Variants in PIGO observed in about 807,000 individuals in gnomAD.
PIGO encodes phosphatidylinositol glycan anchor biosynthesis class O.
PIGO carries 66 observed loss-of-function variants against 86.9 expected under a neutral mutation model. That is an observed-to-expected ratio of 0.76 (90% confidence interval 0.62 to 0.93). The LOEUF is 0.93. Ranked by LOEUF, PIGO falls within the 40% of genes least tolerant of loss-of-function variation. PIGO has a pLI of 0.00. For missense variants in PIGO, 1,202 were observed against 1,359.1 expected (o/e 0.88, Z 1.82); for synonymous variants, 570 against 556.4 (o/e 1.02, Z -0.34).
Position 35,090,178 on chromosome 9 carries a change from G to A in PIGO, c.2957C>T (p.Pro986Leu), listed in dbSNP as rs1255026795. 1 of 1,614,186 alleles carries A rather than the reference G, an allele frequency of 6.2e-7. No homozygotes were observed. The highest frequency in any genetic ancestry group is 1.7e-5 in the Admixed American group (1 of 60,026). The change falls in exon 9 of 11, where the codon CCC becomes CTC. Residue 986 changes from proline to leucine, a missense_variant. Transcript: ENST00000378617. ...CATCAGTGGCTCCTCTTCCTCCTCG[G>A]GTCTGACTCTGGCATCAGCTTCATT... ...PGNEADARVR[P>L]EEEEEPLMEM...
Position 35,088,968 on chromosome 9 carries a change from C to T in PIGO, c.*124G>A. The stretch of plus-strand genomic sequence containing the variant: ...AATGAAGTCCTAGATGTCAGCGGCC[C>T]CTGGCTGCATGATAGTAAGAGTATG... On this transcript the variant is annotated 3_prime_UTR_variant, in exon 11 of 11. Coordinates refer to ENST00000378617, the MANE Select transcript of PIGO (RefSeq NM_032634.4). The T allele has an allele frequency of 2.2e-6, 3 of 1,355,772 alleles. No individual in the cohort carries two copies. The East Asian group carries it at 7.0e-5, about 31-fold the overall frequency. 84.0% of individuals were successfully genotyped at this position (1,355,772 alleles called of 1,614,324 possible).
In PIGO at chr9:35,089,181, C is replaced by T; in HGVS notation, c.3181G>A (p.Gly1061Arg). Residue 1061 changes from glycine (G) to arginine (R), a missense_variant, in exon 11 of 11, where the codon GGA becomes AGA. Coordinates refer to ENST00000378617, the MANE Select transcript of PIGO (RefSeq NM_032634.4). ...EAVGFIVSSV[G>R]LLLGIALVMR... is the part of the protein sequence containing the mutation. ...ACCAAAGCTATGCCCAGGAGAAGTC[C>T]CACGCTGCTCACAATGAAGCCCACA... 6.2e-7 allele frequency: 1 copy of T among 1,614,174 alleles called. No individual in the cohort carries two copies. The highest frequency in any genetic ancestry group is 1.7e-5 in the Admixed American group (1 of 60,020).
rs1377245074 is a variant in PIGO at position 35,095,439 on chromosome 9, C to G, written c.127G>C (p.Glu43Gln). The G allele has an allele frequency of 3.7e-6, 6 of 1,613,918 alleles. No homozygotes were observed. The African/African-American group carries it at 8.0e-5, about 22-fold the overall frequency. Residue 43 changes from glutamate to glutamine, a missense_variant, in exon 2 of 11, where the codon GAG becomes CAG. By Grantham distance (29) the Glu-to-Gln change is conservative. Transcript: ENST00000378617. ...LELTNHSSCQEPPGPGSLPWG... is the reference protein window; with the variant it reads ...LELTNHSSCQQPPGPGSLPWG... ...GGCAGGGACCCAGGGCCTGGGGGCTCTTGGCAGCTGCTATGGTTGGTGAGC... is the reference window on the plus strand; with the variant it reads ...GGCAGGGACCCAGGGCCTGGGGGCTGTTGGCAGCTGCTATGGTTGGTGAGC...
rs1829672253 is a variant in PIGO, at chr9:35,096,340, C to G, written c.-187G>C. The G allele has an allele frequency of 6.6e-6, 1 of 152,240 alleles. No homozygotes were observed. The highest frequency in any genetic ancestry group is 1.5e-5 in the Non-Finnish European group (1 of 68,054). 9.4% of individuals were successfully genotyped at this position (152,240 alleles called of 1,614,324 possible). On this transcript the variant is annotated 5_prime_UTR_variant, in exon 1 of 11. Transcript: ENST00000378617. ...GAGACCTGAGGCACGACCTTCGCCA[C>G]GCAAGGAGGCTGGGGCCCGGGTCGA...
intron 9 of PIGO, 115 bp downstream of exon 9, chr9:35,089,951 C>T: frequency 1.4e-6 from 2 of 1,476,072 alleles, no homozygotes; most frequent in Non-Finnish European, 1.8e-6. Flanking sequence ...TGGGCAACCA[C>T]TTCACTTATG....
At position 35,091,883 on chromosome 9, in the gene PIGO, C is replaced by A. The variant is rs10814196; in HGVS notation, c.2004G>T (p.Leu668Phe). Reference protein sequence around the residue: ...ASMVGGRAKNLWYGACVAALV... With the variant: ...ASMVGGRAKNFWYGACVAALV... ...GCGCCGCCACACAAGCTCCATACCACAAATTCTTGGCTCGACCACCCACCA... is the reference window on the plus strand; with the variant it reads ...GCGCCGCCACACAAGCTCCATACCAAAAATTCTTGGCTCGACCACCCACCA... The change falls in exon 7 of 11, where the codon TTG (leucine) becomes TTT (phenylalanine). Residue 668 changes from leucine (L) to phenylalanine (F), a missense_variant. By Grantham distance (22) the Leu-to-Phe change is conservative (BLOSUM62 0). Transcript: ENST00000378617. 6.2e-7 allele frequency: 1 copy of A among 1,614,082 alleles called. No homozygotes were observed. Among genetic ancestry groups the A allele is most frequent in the Non-Finnish European group, 8.5e-7 (1 of 1,180,012 alleles).
At position 35,091,420 on chromosome 9, in the gene PIGO, C is replaced by T. The variant is rs1172952368; in HGVS notation, c.2467G>A (p.Val823Met). The T allele has an allele frequency of 6.2e-7, 1 of 1,614,234 alleles. No individual in the cohort carries two copies. The highest frequency in any genetic ancestry group is 8.5e-7 in the Non-Finnish European group (1 of 1,180,034). The change falls in exon 7 of 11, where the codon GTG (valine) becomes ATG (methionine). Residue 823 changes from valine (V) to methionine (M), a missense_variant. Val to Met is a conservative substitution (Grantham distance 21, BLOSUM62 1). Coordinates refer to ENST00000378617, the MANE Select transcript of PIGO (RefSeq NM_032634.4). ...ERTKSQGPLT[V>M]AAYQLGSVYS... ...ACACTCCCCAACTGATAAGCAGCCA[C>T]AGTCAGGGGACCCTGAGATTTGGTC...
intron 2 of PIGO, 125 bp from the exon 3 acceptor site, chr9:35,094,484 A>G: frequency 9.2e-7 from 1 of 1,086,904 alleles, no homozygotes; most frequent in Non-Finnish European, 1.3e-6. Context: ...CAGCAATTCC[A>G]TACAGCAATC....
At position 35,089,424 on chromosome 9, in the gene PIGO, G is replaced by A. The variant is rs754771965; in HGVS notation, c.3096C>T (p.Ser1032=). 10 of 1,614,120 alleles carry A rather than the reference G, an allele frequency of 6.2e-6. No individual in the cohort carries two copies. The African/African-American group carries it at 1.2e-4, about 19-fold the overall frequency. ...IQILACALAA[S]ILRRHLMVWK... is the part of the protein sequence containing the mutation. Reference sequence around the variant, plus strand: ...AGACCATGAGATGCCTGCGAAGGATGGAGGCTGCCAAGGCACAGGCCAGAA... The same window carrying A: ...AGACCATGAGATGCCTGCGAAGGATAGAGGCTGCCAAGGCACAGGCCAGAA... The change falls in exon 10 of 11, where the codon TCC becomes TCT. Residue 1032 remains serine, a synonymous_variant. Transcript: ENST00000378617.
chr9:35,090,620 T>G lies in PIGO; in HGVS notation c.2700A>C (p.Thr900=), dbSNP rs749138418. The change falls in exon 8 of 11, where the codon ACA becomes ACC. Residue 900 remains threonine (T), a synonymous_variant. Transcript: ENST00000378617. ...GGTGGCCTGTGGAGTAGAAGGTCTG[T>G]GTGGCCATGAGGGCCCAAGCCGAGA... ...QAVSAWALMA[T]QTFYSTGHQP... 6.2e-7 allele frequency: 1 copy of G among 1,614,018 alleles called. No homozygotes were observed. The highest frequency in any genetic ancestry group is 1.1e-5 in the South Asian group (1 of 91,078).
chr9:35,094,357 T>C lies in PIGO; in HGVS notation c.514A>G (p.Arg172Gly). ...NLIKQLTSAGRRVVFMGDDTW... is the reference protein window; with the variant it reads ...NLIKQLTSAGGRVVFMGDDTW... Reference sequence around the variant, plus strand: ...TCATCTCCCATGAAGACTACACGCCTTCCTGCAGGGACATGAAAGAGAAGT... The same window carrying C: ...TCATCTCCCATGAAGACTACACGCCCTCCTGCAGGGACATGAAAGAGAAGT... The change falls in exon 3 of 11, where the codon AGG (arginine) becomes GGG (glycine). Residue 172 changes from arginine (R) to glycine (G), a missense_variant and splice_region_variant. Transcript: ENST00000378617. The C allele has an allele frequency of 6.3e-7, 1 of 1,599,196 alleles. No homozygotes were observed. Among genetic ancestry groups the C allele is most frequent in the South Asian group, 1.1e-5 (1 of 88,638 alleles).
chr9:35,092,172 G>A lies in PIGO; in HGVS notation c.1715C>T (p.Ala572Val). The A allele has an allele frequency of 1.9e-6, 3 of 1,614,198 alleles. No homozygotes were observed. The highest frequency in any genetic ancestry group is 2.5e-6 in the Non-Finnish European group (3 of 1,180,036). The change falls in exon 7 of 11, where the codon GCC becomes GTC. Residue 572 changes from alanine (A) to valine (V), a missense_variant. Ala to Val is a moderately conservative substitution (Grantham distance 64, BLOSUM62 0). Transcript: ENST00000378617. ...GAATGAGCCCAAAAGGAAGGGGGTG[G>A]CCCTGGCCTCAGCTACAACAAAACT... ...SDSFVVAEARATPFLLGSFIL... is the reference protein window; with the variant it reads ...SDSFVVAEARVTPFLLGSFIL...
chr9:35,095,115 T>C lies in PIGO; in HGVS notation c.451A>G (p.Ser151Gly), dbSNP rs1229716525. The C allele has an allele frequency of 1.9e-6, 3 of 1,613,854 alleles. No individual in the cohort carries two copies. The Admixed American group carries it at 5.0e-5, about 27-fold the overall frequency. ...GSLPTFIDAG[S>G]NFASHAIVED... is the part of the protein sequence containing the mutation. ...ACTATGGCGTGGCTGGCGAAGTTACTACCAGCATCAATAAAGGTAGGCAGT... is the reference window on the plus strand; with the variant it reads ...ACTATGGCGTGGCTGGCGAAGTTACCACCAGCATCAATAAAGGTAGGCAGT... Residue 151 changes from serine (S) to glycine (G), a missense_variant, in exon 2 of 11, where the codon AGT becomes GGT. Physicochemically the swap from Ser to Gly is moderately conservative, Grantham distance 56. Transcript: ENST00000378617.
chr9:35,093,975 G>A lies in PIGO; in HGVS notation c.705C>T (p.Asp235=), dbSNP rs749044540. 6.2e-7 allele frequency: 1 copy of A among 1,614,132 alleles called. No individual in the cohort carries two copies. Among genetic ancestry groups the A allele is most frequent in the Middle Eastern group, 1.6e-4 (1 of 6,062 alleles). ...DVLIAHFLGV[D]HCGHKHGPHH... ...GAGGGCCATGCTTGTGGCCACAGTGGTCCACACCCAGGAAGTGAGCAATCA... is the reference window on the plus strand; with the variant it reads ...GAGGGCCATGCTTGTGGCCACAGTGATCCACACCCAGGAAGTGAGCAATCA... The change falls in exon 4 of 11, where the codon GAC becomes GAT. Residue 235 remains aspartate, a synonymous_variant. Coordinates refer to ENST00000378617, the MANE Select transcript of PIGO (RefSeq NM_032634.4).
Position 35,092,696 on chromosome 9 carries a change from C to A in PIGO, c.1191G>T (p.Gln397His). The change falls in exon 7 of 11, where the codon CAG becomes CAT. Residue 397 changes from glutamine to histidine, a missense_variant. Transcript: ENST00000378617. ...DLQAKELHQL[Q>H]NLFSKASADY... is the part of the protein sequence containing the mutation. The stretch of plus-strand genomic sequence containing the variant: ...CAGCAGAGGCCTTGGAGAAGAGGTT[C>A]TGCAGCTGATGAAGCTCCTTAGCTT... 6.2e-7 allele frequency: 1 copy of A among 1,614,134 alleles called. No homozygotes were observed. The highest frequency in any genetic ancestry group is 1.1e-5 in the South Asian group (1 of 91,086).
Position 35,090,668 on chromosome 9 carries a change from A to G in PIGO, c.2652T>C (p.Pro884=). ...AAGIPVTTPG[P]FTVPWQAVSA... ...AGACTGCCTGCCATGGCACAGTAAA[A>G]GGACCTGGAAGAAAAGATATGCCAC... is the stretch of plus-strand genomic sequence containing the variant. Residue 884 remains proline (P), a synonymous_variant, in exon 8 of 11, where the codon CCT becomes CCC. Coordinates refer to ENST00000378617, the MANE Select transcript of PIGO (RefSeq NM_032634.4). 1 of 1,613,626 alleles carries G rather than the reference A, an allele frequency of 6.2e-7. No individual in the cohort carries two copies. The highest frequency in any genetic ancestry group is 8.5e-7 in the Non-Finnish European group (1 of 1,179,766).
chr9:35,093,566 C>T lies in PIGO; in HGVS notation c.794G>A (p.Arg265His), dbSNP rs200924324. 2.6e-4 allele frequency: 426 copies of T among 1,611,998 alleles called. 1 individual carries two copies. The highest frequency in any genetic ancestry group is 8.4e-4 in the Middle Eastern group (5 of 5,970). Residue 265 changes from arginine to histidine, a missense_variant, in exon 5 of 11, where the codon CGT becomes CAT. Arg to His is a conservative substitution (Grantham distance 29, BLOSUM62 0). Transcript: ENST00000378617. ...MDQVIQGLVE[R>H]LENDTLLVVA... Reference sequence around the variant, plus strand: ...TACCAGCAGTGTGTCATTCTCCAGACGCTCCACAAGTCCCCTGGGGGCCAA... The same window carrying T: ...TACCAGCAGTGTGTCATTCTCCAGATGCTCCACAAGTCCCCTGGGGGCCAA...
Position 35,090,528 on chromosome 9 carries a change from C to T in PIGO, c.2792G>A (p.Cys931Tyr), listed in dbSNP as rs891303491. ...FVGFPEGHGS[C>Y]TWLPALLVGA... ...CACTAGCAAAGCAGGCAGCCAAGTA[C>T]AGGAGCCATGACCCTCTGGGAATCC... is the stretch of plus-strand genomic sequence containing the variant. Residue 931 changes from cysteine to tyrosine, a missense_variant, in exon 8 of 11, where the codon TGT becomes TAT. Cys to Tyr is a radical substitution (Grantham distance 194). Coordinates refer to ENST00000378617, the MANE Select transcript of PIGO (RefSeq NM_032634.4). 3 of 1,614,104 alleles carry T rather than the reference C, an allele frequency of 1.9e-6. No homozygotes were observed. In the African/African-American group the frequency reaches 4.0e-5, roughly 22 times the overall value.
intron 4 of PIGO, 102 bp downstream of exon 4, chr9:35,093,799 C>A: frequency 6.5e-7 from 1 of 1,544,120 alleles, no homozygotes; most frequent in Non-Finnish European, 8.7e-7. Context: ...AGCAGAAGGC[C>A]TAGAGAAGAC....
Sources: gnomAD v4.1 joint callset for allele counts on GRCh38, gnomAD v4.1.1 for gene constraint, MANE v1.5 for transcripts, NCBI Gene and HGNC (gene_info 2026-07-23, HGNC 2026-07-21) for gene names.